MYH9: variants seen among roughly 807,000 people sequenced by gnomAD.
MYH9 encodes the protein myosin heavy chain 9, also known as myosin-9.
In MYH9, 29 loss-of-function variants were observed where a neutral mutation model predicts 241.9. The ratio of observed to expected loss-of-function variants is 0.12; its 90% CI spans 0.09 to 0.16. The LOEUF is 0.16. MYH9 is among the 10% of genes least tolerant of loss of function. MYH9 has a pLI of 1.00. For missense variants in MYH9, 1,803 were observed against 2,595.5 expected (o/e 0.69, Z 6.63); for synonymous variants, 1,047 against 1,062.6 (o/e 0.99, Z 0.29).
rs1429179932 is a variant in MYH9 at position 36,384,716 on chromosome 22, AG to A, written c.-20+3090del. On this transcript the variant is annotated intron_variant, in intron 1 of 40. Coordinates refer to ENST00000216181, the MANE Select transcript of MYH9 (RefSeq NM_002473.6). ...TTTCAGTTCATGCATCTAACCCCAC[AG>A]GGTAGGATCTTGATTCCCATATTAT... is the stretch of plus-strand genomic sequence containing the variant. Among the ~76,000 whole-genome samples the A allele has an allele frequency of 9.9e-4, 142 of 143,086 alleles. 1 individual carries two copies. The highest frequency in any genetic ancestry group is 3.5e-3 in the African/African-American group (133 of 38,382). 93.9% of individuals were successfully genotyped at this position (143,086 alleles called of 152,430 possible).
At chr22:36,287,432 T>G (rs532028818) in intron 34 of MYH9, among the ~76,000 whole-genome samples, 2 of 148,846 alleles carry the variant, frequency 1.3e-5, no homozygotes, top group Admixed American at 6.7e-5. Flanking sequence ...TTTTTGTGGG[T>G]TTTTTTTTTA....
At position 36,321,748 on chromosome 22, in the gene MYH9, A is replaced by G; in HGVS notation, c.769+10T>C. The G allele has an allele frequency of 6.2e-7, 1 of 1,613,454 alleles. No homozygotes were observed. Among genetic ancestry groups the G allele is most frequent in the Non-Finnish European group, 8.5e-7 (1 of 1,179,346 alleles). ...TCCAGGACTCTTATCCCAACGAACC[A>G]CAAGGATACAAGTCTCAATGTTGGC... On this transcript the variant is annotated intron_variant, in intron 7 of 40. Coordinates refer to ENST00000216181, the MANE Select transcript of MYH9 (RefSeq NM_002473.6).
intron 34 of MYH9, 172 bp from the exon 35 acceptor site, chr22:36,287,018 A>G: frequency 1.2e-6 from 1 of 838,316 alleles, no homozygotes. Flanking sequence ...TCATCTGTGT[A>G]TCCCACCCCG....
chr22:36,342,235 G>T (rs1385814449), intron 2 of MYH9, among the ~76,000 whole-genome samples: 6 of 152,164 alleles, frequency 3.9e-5, no homozygotes, highest in Non-Finnish European at 8.8e-5. Context: ...TACTCCAAGT[G>T]TGACTTGATC....
In MYH9 at chr22:36,296,933, C is replaced by T. The variant is rs1328427147; in HGVS notation, c.3182G>A (p.Ser1061Asn). Residue 1061 changes from serine to asparagine, a missense_variant, in exon 25 of 41, where the codon AGC becomes AAC. This residue lies in a region of MYH9 where 290 missense variants were observed against 360.5 expected (regional missense o/e 0.80). Transcript: ENST00000216181. ...GGCCTGGAGCTCGGCGATCTGGTCG[C>T]TGAGGTCTGTGGAGTCTCCCTCCAG... ...RKLEGDSTDL[S>N]DQIAELQAQI... 4 of 1,614,016 alleles carry T rather than the reference C, an allele frequency of 2.5e-6. No homozygotes were observed. The Admixed American group carries it at 6.7e-5, about 27-fold the overall frequency.
At position 36,329,536 on chromosome 22, in the gene MYH9, C is replaced by T. The variant is rs1043222041; in HGVS notation, c.491-2048G>A. On this transcript the variant is annotated intron_variant, in intron 3 of 40. Transcript: ENST00000216181. The surrounding 1 kb of genome is among the most constrained non-coding windows in gnomAD (Gnocchi z 4.1). ...CCCAGCTGTGGGCATGTTTAGTCAC[C>T]GGCTCTACTAGCAGGCAAGAATGTA... 3.3e-5 allele frequency among the ~76,000 whole-genome samples: 5 copies of T among 152,204 alleles called. No homozygotes were observed. Among genetic ancestry groups the T allele is most frequent in the African/African-American group, 7.2e-5 (3 of 41,440 alleles).
In MYH9 at chr22:36,290,476, TG is replaced by T. The variant is rs1403679480; in HGVS notation, c.4345-1180del. Among the ~76,000 whole-genome samples, 9 of 152,168 alleles carry T rather than the reference TG, an allele frequency of 5.9e-5. No individual in the cohort carries two copies. The South Asian group carries it at 1.7e-3, about 28-fold the overall frequency. On this transcript the variant is annotated intron_variant, in intron 31 of 40. Coordinates refer to ENST00000216181, the MANE Select transcript of MYH9 (RefSeq NM_002473.6). Reference sequence around the variant, plus strand: ...CAATGGAGCCCAGGCTGGAGTGCAGTGGCGTGATCTCGGCTTGCTACAGCCT... The same window carrying T: ...CAATGGAGCCCAGGCTGGAGTGCAGTGCGTGATCTCGGCTTGCTACAGCCT...
rs60043894 is a variant in MYH9 at position 36,295,401 on chromosome 22, G to GGTGT, written c.3485+100_3485+103dup. 3,674 of 804,380 alleles carry GGTGT rather than the reference G, an allele frequency of 4.6e-3. 12 individuals are homozygous for GGTGT. The East Asian group carries it at 0.048, about 10-fold the overall frequency. 49.8% of individuals were successfully genotyped at this position (804,380 alleles called of 1,614,324 possible). A position where few individuals can be genotyped will look rare whatever the true frequency, so the allele number is the denominator to read the frequency against. ...GCCTGCTGGTGCCTAAGAGGGCCAC[G>GGTGT]GTGTGTGTGTGTGTGTGTGTGCAGA... On this transcript the variant is annotated intron_variant, in intron 26 of 40. Coordinates refer to ENST00000216181, the MANE Select transcript of MYH9 (RefSeq NM_002473.6). This position sits in a 1 kb window ranked among gnomAD's most constrained non-coding sequence, Gnocchi z 4.1.
intron 1 of MYH9, among the ~76,000 whole-genome samples, chr22:36,369,165 C>G (rs985625006): frequency 6.6e-6 from 1 of 152,160 alleles, no homozygotes; most frequent in African/African-American, 2.4e-5. Flanking sequence ...TTTTGCCAGA[C>G]TGATCTTCAG....
intron 1 of MYH9, among the ~76,000 whole-genome samples, chr22:36,377,462 G>A (rs1242175896): frequency 6.6e-6 from 1 of 152,136 alleles, no homozygotes; most frequent in African/African-American, 2.4e-5. Context: ...GTAATGAGAT[G>A]AATTGAACTG....
chr22:36,285,198 C>T lies in MYH9; in HGVS notation c.5406G>A (p.Lys1802=), dbSNP rs374979658. 10 of 1,614,070 alleles carry T rather than the reference C, an allele frequency of 6.2e-6. No individual in the cohort carries two copies. In the African/African-American group the frequency reaches 1.1e-4, roughly 17 times the overall value. Reference sequence around the variant, plus strand: ...CGGTGATGGAGGCCTTGTACTTGGACTTGACAGTGCCCTCCATCTCCTGCA... The same window carrying T: ...CGGTGATGGAGGCCTTGTACTTGGATTTGACAGTGCCCTCCATCTCCTGCA... ...VKLQEMEGTV[K]SKYKASITAL... Residue 1802 remains lysine, a synonymous_variant, in exon 38 of 41, where the codon AAG becomes AAA. Transcript: ENST00000216181. The surrounding 1 kb of genome is among the most constrained non-coding windows in gnomAD (Gnocchi z 7.0).
At chr22:36,336,350 A>G (rs1160176743) in intron 3 of MYH9, among the ~76,000 whole-genome samples, 9 of 152,216 alleles carry the variant, frequency 5.9e-5, no homozygotes. Flanking sequence ...GGGATCCAGA[A>G]GCACCATTTC....
At position 36,285,168 on chromosome 22, in the gene MYH9, G is replaced by A. The variant is rs767212143; in HGVS notation, c.5436C>T (p.Leu1812=). ...CCTCCAGCTGTGCAATCTTGGCCTC[G>A]AGGGCGGTGATGGAGGCCTTGTACT... ...KSKYKASITA[L]EAKIAQLEEQ... is the part of the protein sequence containing the mutation. Residue 1812 remains leucine (L), a synonymous_variant, in exon 38 of 41, where the codon CTC becomes CTT. Transcript: ENST00000216181. The surrounding 1 kb of genome is among the most constrained non-coding windows in gnomAD (Gnocchi z 7.0). 27 of 1,614,004 alleles carry A rather than the reference G, an allele frequency of 1.7e-5. No individual in the cohort carries two copies. The highest frequency in any genetic ancestry group is 1.7e-4 in the Middle Eastern group (1 of 6,060).
chr22:36,370,293 G>A (rs2018069945), intron 1 of MYH9, among the ~76,000 whole-genome samples: 3 of 152,158 alleles, frequency 2.0e-5, no homozygotes, highest in Admixed American at 1.3e-4. Context: ...TGCTGGTGAG[G>A]CTCAGAAGCC....
At chr22:36,341,281 G>A in intron 3 of MYH9, 89 bp downstream of exon 3, 1 of 1,530,318 alleles carries the variant, frequency 6.5e-7, no homozygotes, top group South Asian at 1.1e-5. Context: ...GATCAATGTG[G>A]CACCAAATGT....
chr22:36,310,367 A>T (rs1201575538), intron 14 of MYH9, among the ~76,000 whole-genome samples: 7 of 152,036 alleles, frequency 4.6e-5, no homozygotes, highest in African/African-American at 1.7e-4. Context: ...TGGCCTCCCC[A>T]AGTGTTGGGA....
intron 3 of MYH9, among the ~76,000 whole-genome samples, chr22:36,334,404 G>T (rs767288975): frequency 9.2e-5 from 14 of 152,242 alleles, no homozygotes; most frequent in East Asian, 1.9e-4. Flanking sequence ...GGCTGCAGAA[G>T]AACCAACTCT....
intron 2 of MYH9, among the ~76,000 whole-genome samples, chr22:36,342,758 A>C (rs533071488): frequency 6.6e-6 from 1 of 152,310 alleles, no homozygotes; most frequent in East Asian, 1.9e-4. Context: ...TCTTCCTAAG[A>C]AAATGGGCCT....
rs2146324326 is a variant in MYH9, at chr22:36,281,591, T to C, written c.*1077A>G. On this transcript the variant is annotated 3_prime_UTR_variant, in exon 41 of 41. Transcript: ENST00000216181. ...GAATACAAGTAAATTCGGCAACCAGTGTAGACCAGTGAGGACGAGCTACTC... is the reference window on the plus strand; with the variant it reads ...GAATACAAGTAAATTCGGCAACCAGCGTAGACCAGTGAGGACGAGCTACTC... 1 of 230,358 alleles carries C rather than the reference T, an allele frequency of 4.3e-6. No homozygotes were observed. Among genetic ancestry groups the C allele is most frequent in the Non-Finnish European group, 8.6e-6 (1 of 116,006 alleles). 14.3% of individuals were successfully genotyped at this position (230,358 alleles called of 1,614,324 possible). A position where few individuals can be genotyped will look rare whatever the true frequency, so the allele number is the denominator to read the frequency against.
Sources: allele counts gnomAD v4.1 joint callset (sites outside exome capture counted in the v4.1 genomes callset), GRCh38; gene constraint gnomAD v4.1.1; regional missense constraint gnomAD v4.1.1; non-coding constraint Gnocchi (gnomAD v3.1); transcripts MANE v1.5; gene names NCBI Gene and HGNC (gene_info 2026-07-23, HGNC 2026-07-21).